RNF32: variants seen among roughly 807,000 people sequenced by gnomAD.
RNF32 encodes the protein ring finger protein 32.
RNF32 carries 36 observed loss-of-function variants against 41.0 expected under a neutral mutation model. The ratio of observed to expected loss-of-function variants is 0.88; its 90% CI spans 0.67 to 1.16. The LOEUF is 1.16. Among genes scored for constraint, RNF32 ranks in the 50% most tolerant of loss-of-function variants. The probability of loss-of-function intolerance (pLI) is 0.00; values close to 1 mark genes in which losing one functional copy is unlikely to be tolerated. For synonymous variants in RNF32, 154 were observed against 160.9 expected, an observed-to-expected ratio of 0.96 and a Z score of 0.32; for missense variants, 413 against 436.7, an observed-to-expected ratio of 0.95 and a Z score of 0.48.
intron 7 of RNF32, among the ~76,000 whole-genome samples, chr7:156,672,334 T>C (rs1333868282): frequency 1.3e-5 from 2 of 152,140 alleles, no homozygotes; most frequent in African/African-American, 4.8e-5. Context: ...CTGGATGCTA[T>C]TACCAGCGTT....
chr7:156,664,829 A>C (rs1801132150), intron 7 of RNF32, among the ~76,000 whole-genome samples: 1 of 152,234 alleles, frequency 6.6e-6, no homozygotes, highest in African/African-American at 2.4e-5. Flanking sequence ...TAATCTGGGC[A>C]TAACATGTGA....
intron 1 of RNF32, chr7:156,642,890 G>A (rs941278919): frequency 6.6e-6 from 1 of 152,182 alleles, no homozygotes; most frequent in Non-Finnish European, 1.5e-5. Flanking sequence ...GCGTTATAGG[G>A]AAACAACATT....
At chr7:156,645,805 C>G (rs1171402718) in intron 3 of RNF32, among the ~76,000 whole-genome samples, 1 of 152,096 alleles carries the variant, frequency 6.6e-6, no homozygotes, top group Non-Finnish European at 1.5e-5. Context: ...TCAGGAATTT[C>G]AAAACAACAT....
chr7:156,661,570 C>T (rs1800680902), intron 7 of RNF32, among the ~76,000 whole-genome samples: 1 of 152,206 alleles, frequency 6.6e-6, no homozygotes, highest in Admixed American at 6.5e-5. Flanking sequence ...ATCTGCCTGC[C>T]TTGGCCTCCC....
chr7:156,657,957 T>G (rs547278033), intron 5 of RNF32, among the ~76,000 whole-genome samples, 171 bp from the exon 6 acceptor site: 1 of 152,338 alleles, frequency 6.6e-6, no homozygotes, highest in Admixed American at 6.5e-5. Flanking sequence ...ACAGGTTTTG[T>G]GAGGAAGGTG....
intron 7 of RNF32, among the ~76,000 whole-genome samples, chr7:156,661,798 T>C (rs1800710094): frequency 6.6e-6 from 1 of 152,210 alleles, no homozygotes; most frequent in Admixed American, 6.5e-5. Context: ...CACTGATGGG[T>C]TGTAGATATC....
At chr7:156,672,729 A>G (rs1037145646) in intron 7 of RNF32, among the ~76,000 whole-genome samples, 9 of 152,242 alleles carry the variant, frequency 5.9e-5, no homozygotes, top group African/African-American at 2.2e-4. Context: ...ATGTACATAC[A>G]TATTTATATG....
At chr7:156,668,934 T>A (rs931977248) in intron 7 of RNF32, 7 of 152,238 alleles carry the variant, frequency 4.6e-5, no homozygotes, top group Admixed American at 4.6e-4. Context: ...CCATTACATA[T>A]AAAGGGAATT....
chr7:156,650,462 A>G (rs1322189769), intron 3 of RNF32, among the ~76,000 whole-genome samples: 1 of 152,192 alleles, frequency 6.6e-6, no homozygotes, highest in Non-Finnish European at 1.5e-5. Context: ...TGGGGTTCTA[A>G]AGGCAAGATG....
chr7:156,648,724 T>C (rs146304760), intron 3 of RNF32, among the ~76,000 whole-genome samples: 4 of 152,356 alleles, frequency 2.6e-5, no homozygotes, highest in East Asian at 1.9e-4. Context: ...CTGGAGTTCT[T>C]TGCATATTCT....
intron 3 of RNF32, among the ~76,000 whole-genome samples, chr7:156,652,015 T>C (rs949156606): frequency 3.3e-5 from 5 of 152,178 alleles, no homozygotes; most frequent in African/African-American, 1.2e-4. Context: ...CCTTGGTTTC[T>C]TCCCTCGTAG....
intron 7 of RNF32, among the ~76,000 whole-genome samples, chr7:156,667,679 G>C (rs1218594829): frequency 2.6e-5 from 4 of 152,176 alleles, no homozygotes; most frequent in Admixed American, 2.0e-4. Flanking sequence ...GGAAGAATCT[G>C]ACAATTAAAA....
rs115795628 is a variant in RNF32, at chr7:156,666,510, T to C, written c.684+7940T>C. On this transcript the variant is annotated intron_variant, in intron 7 of 8. Transcript: ENST00000317955. ...TGATGTCGTGCTACAATGTAGATCCTTTCAGCTATATTGAAGTCTTGTGGT... is the reference window on the plus strand; with the variant it reads ...TGATGTCGTGCTACAATGTAGATCCCTTCAGCTATATTGAAGTCTTGTGGT... Among the ~76,000 whole-genome samples the C allele has an allele frequency of 8.7e-3, 1,318 of 152,344 alleles. 22 individuals carry two copies. Among genetic ancestry groups the C allele is most frequent in the African/African-American group, 0.03 (1,233 of 41,576 alleles).
intron 7 of RNF32, among the ~76,000 whole-genome samples, chr7:156,671,973 G>T (rs1231995624): frequency 6.6e-6 from 1 of 152,174 alleles, no homozygotes; most frequent in Non-Finnish European, 1.5e-5. Context: ...ATCAAAACTT[G>T]TGGAATGGAA....
At chr7:156,662,297 C>T (rs1272695789) in intron 7 of RNF32, among the ~76,000 whole-genome samples, 2 of 152,154 alleles carry the variant, frequency 1.3e-5, no homozygotes, top group Non-Finnish European at 2.9e-5. Context: ...GATGGGAATC[C>T]TCTGAGAAAT....
intron 7 of RNF32, among the ~76,000 whole-genome samples, chr7:156,667,719 T>G (rs1801560441): frequency 6.6e-6 from 1 of 152,254 alleles, no homozygotes; most frequent in Admixed American, 6.5e-5. Context: ...CATAGGATAG[T>G]ACTTTGAATT....
intron 4 of RNF32, among the ~76,000 whole-genome samples, chr7:156,656,268 G>A (rs1025106333): frequency 6.6e-6 from 1 of 152,158 alleles, no homozygotes; most frequent in Non-Finnish European, 1.5e-5. Context: ...TTTTTAGTGT[G>A]TTTTCCACTA....
At chr7:156,659,965 A>G (rs566988113) in intron 7 of RNF32, 1 of 985,480 alleles carries the variant, frequency 1.0e-6, no homozygotes, top group African/African-American at 1.7e-5. Flanking sequence ...TCTCCCACAG[A>G]GAGATGGAAC....
intron 8 of RNF32, 196 bp from the exon 9 acceptor site, chr7:156,676,223 G>C: frequency 6.7e-7 from 1 of 1,500,424 alleles, no homozygotes; most frequent in Non-Finnish European, 8.9e-7. Context: ...CAGTTCCCAG[G>C]AGTAACAGAG....
Sources: gnomAD v4.1 joint callset for allele counts (sites outside exome capture counted in the v4.1 genomes callset) on GRCh38, gnomAD v4.1.1 for gene constraint, MANE v1.5 for transcripts, NCBI Gene and HGNC (gene_info 2026-07-23, HGNC 2026-07-21) for gene names.